Variants in MAST4 observed in about 807,000 individuals in gnomAD.
MAST4 encodes the protein microtubule associated serine/threonine kinase family member 4.
Under a neutral mutation model 162.7 loss-of-function variants are expected in MAST4, and 89 were observed. The ratio of observed to expected loss-of-function variants is 0.55; its 90% CI spans 0.46 to 0.65. The LOEUF is 0.65. Ranked by LOEUF, MAST4 falls within the 30% of genes least tolerant of loss-of-function variation. The pLI is 0.00. For missense variants in MAST4, 3,153 were observed against 3,374.0 expected (o/e 0.93, Z 1.62); for synonymous variants, 1,479 against 1,361.1 (o/e 1.09, Z -1.91).
intron 4 of MAST4, among the ~76,000 whole-genome samples, chr5:66,902,373 C>G (rs372152450): frequency 6.6e-6 from 1 of 152,134 alleles, no homozygotes; most frequent in Non-Finnish European, 1.5e-5. Context: ...CTGAAACTTA[C>G]GGGGTTTTCC....
At chr5:66,851,186 T>C (rs1297590783) in intron 3 of MAST4, among the ~76,000 whole-genome samples, 1 of 152,210 alleles carries the variant, frequency 6.6e-6, no homozygotes, top group Non-Finnish European at 1.5e-5. Flanking sequence ...TCTAATCTTA[T>C]CTGTCTATTA....
At chr5:66,927,376 A>G (rs1451439398) in intron 4 of MAST4, among the ~76,000 whole-genome samples, 2 of 152,236 alleles carry the variant, frequency 1.3e-5, no homozygotes, top group Non-Finnish European at 2.9e-5. Context: ...TTTGACAGCT[A>G]CATATCCAGG....
chr5:67,120,052 A>G (rs1767386447), intron 13 of MAST4, among the ~76,000 whole-genome samples: 1 of 152,248 alleles, frequency 6.6e-6, no homozygotes, highest in Non-Finnish European at 1.5e-5. Flanking sequence ...GTGATGGAGC[A>G]TTGGCAGGTG....
intron 16 of MAST4, among the ~76,000 whole-genome samples, chr5:67,133,171 C>CT (rs988711901): frequency 2.4e-4 from 35 of 147,710 alleles, no homozygotes; most frequent in South Asian, 8.7e-4. Context: ...GGTGTATGCC[C>CT]TTTTTTTTTT....
chr5:67,162,544 AT>A, intron 27 of MAST4, 62 bp from the exon 28 acceptor site: 1 of 1,488,446 alleles, frequency 6.7e-7, no homozygotes, highest in Non-Finnish European at 9.3e-7. Context: ...GCACAATGGT[AT>A]TTTGGGGAGG....
chr5:67,080,954 ATATAT>A (rs992577559), intron 5 of MAST4, among the ~76,000 whole-genome samples: 1 of 136,340 alleles, frequency 7.3e-6, no homozygotes, highest in Non-Finnish European at 1.5e-5. Flanking sequence ...ATATAATATA[ATATAT>A]AATTGTATAT....
chr5:66,654,216 C>T (rs369375657), intron 1 of MAST4, among the ~76,000 whole-genome samples: 6 of 152,276 alleles, frequency 3.9e-5, no homozygotes, highest in African/African-American at 1.4e-4. Context: ...TTAATAATGT[C>T]CTGATGCTAA....
intron 4 of MAST4, among the ~76,000 whole-genome samples, chr5:67,040,352 G>A (rs1186230902): frequency 6.6e-6 from 1 of 152,136 alleles, no homozygotes; most frequent in Non-Finnish European, 1.5e-5. Flanking sequence ...GTTTGGGCAG[G>A]CATAAGGAAG....
intron 1 of MAST4, among the ~76,000 whole-genome samples, chr5:66,621,671 C>A (rs975588539): frequency 1.7e-4 from 26 of 152,172 alleles, no homozygotes; most frequent in African/African-American, 6.3e-4. Context: ...CCAATTTATT[C>A]ATTCCTCCGT....
chr5:66,641,194 C>G (rs966263671), intron 1 of MAST4, among the ~76,000 whole-genome samples: 22 of 151,966 alleles, frequency 1.4e-4, no homozygotes, highest in Non-Finnish European at 2.6e-4. Flanking sequence ...TCTCTGTCAC[C>G]CAGGCTGAAG....
chr5:67,057,977 C>T (rs1015402883), intron 5 of MAST4, among the ~76,000 whole-genome samples: 1 of 150,860 alleles, frequency 6.6e-6, no homozygotes, highest in Non-Finnish European at 1.5e-5. Context: ...ACAGTGGTCA[C>T]ACTTGTGATT....
chr5:66,772,181 A>C (rs78754796), intron 2 of MAST4, among the ~76,000 whole-genome samples: 3,101 of 152,260 alleles, frequency 0.02, 104 homozygotes, highest in African/African-American at 0.07. Flanking sequence ...GGTACTGGGG[A>C]GGAGGAGATA....
intron 4 of MAST4, among the ~76,000 whole-genome samples, chr5:66,927,046 A>T (rs1362829628): frequency 6.6e-6 from 1 of 152,242 alleles, no homozygotes; most frequent in Non-Finnish European, 1.5e-5. Flanking sequence ...TTAAAAAAAT[A>T]AAATCTGGAG....
chr5:66,708,901 G>A (rs1249996185), intron 1 of MAST4, among the ~76,000 whole-genome samples: 4 of 152,056 alleles, frequency 2.6e-5, no homozygotes, highest in Non-Finnish European at 5.9e-5. Context: ...TTAATAATGG[G>A]CAAATGGGAT....
intron 3 of MAST4, among the ~76,000 whole-genome samples, chr5:66,796,127 A>G (rs1191270809): frequency 6.6e-6 from 1 of 152,180 alleles, no homozygotes; most frequent in African/African-American, 2.4e-5. Context: ...CTGGTTTAAC[A>G]TGAGTCTGTA....
intron 1 of MAST4, among the ~76,000 whole-genome samples, chr5:66,624,699 A>G (rs1354390390): frequency 6.6e-6 from 1 of 152,184 alleles, no homozygotes; most frequent in Non-Finnish European, 1.5e-5. Context: ...AAGCAGATAT[A>G]CTGGCCAGTG....
At chr5:67,064,843 T>C (rs1226909790) in intron 5 of MAST4, among the ~76,000 whole-genome samples, 1 of 152,210 alleles carries the variant, frequency 6.6e-6, no homozygotes, top group East Asian at 1.9e-4. Flanking sequence ...GAAGAACTCT[T>C]GAAAAACTAG....
chr5:66,885,250 G>T (rs1329700308), intron 3 of MAST4, among the ~76,000 whole-genome samples: 2 of 152,090 alleles, frequency 1.3e-5, no homozygotes, highest in African/African-American at 4.8e-5. Context: ...GTCAGAATGG[G>T]GCATAGATTT....
chr5:67,072,862 G>T (rs73768185), intron 5 of MAST4, among the ~76,000 whole-genome samples: 2,016 of 152,222 alleles, frequency 0.013, 45 homozygotes, highest in African/African-American at 0.046. Flanking sequence ...ACTTGAAAGG[G>T]ATTGCTATGA....
Sources: gnomAD v4.1 joint callset for allele counts (sites outside exome capture counted in the v4.1 genomes callset) on GRCh38, gnomAD v4.1.1 for gene constraint, MANE v1.5 for transcripts, NCBI Gene and HGNC (gene_info 2026-07-23, HGNC 2026-07-21) for gene names.